Variants in PUF60 observed in about 807,000 individuals in gnomAD.
PUF60 encodes poly(U) binding splicing factor 60, also known as poly(U)-binding-splicing factor PUF60.
PUF60 carries 10 observed loss-of-function variants against 61.8 expected under a neutral mutation model. The observed-to-expected ratio is 0.16, with a 90% CI of 0.10 to 0.27. PUF60 has a LOEUF of 0.27. Among genes scored for constraint, PUF60 ranks in the 10% least tolerant of loss-of-function variants. PUF60 has a pLI of 1.00. For synonymous variants in PUF60, 353 were observed against 300.9 expected, an observed-to-expected ratio of 1.17 and a Z score of -1.79; for missense variants, 371 against 754.0, an observed-to-expected ratio of 0.49 and a Z score of 5.95.
At position 143,816,358 on chromosome 8, in the gene PUF60, G is replaced by A. The variant is rs2130193330; in HGVS notation, c.*162C>T. On this transcript the variant is annotated 3_prime_UTR_variant, in exon 12 of 12. Coordinates refer to ENST00000526683, the MANE Select transcript of PUF60 (RefSeq NM_078480.3). ...CACGCCCAGGATCGGTGACAGGACC[G>A]ACGGCAGACACACGGACGTTCAGGG... The A allele has an allele frequency of 1.3e-6, 1 of 784,522 alleles. No individual in the cohort carries two copies. The highest frequency in any genetic ancestry group is 2.7e-5 in the East Asian group (1 of 37,166). The allele number at this position is 784,522 out of a possible 1,614,324, so 48.6% of individuals were successfully genotyped here.
rs376630348 is a variant in PUF60 at position 143,817,207 on chromosome 8, C to T, written c.1145-62G>A. The stretch of plus-strand genomic sequence containing the variant: ...TACCACCCCCCTTCCCAGAAAGGCA[C>T]AGAGCTGGCCTGCCCTGGGCTCAGA... On this transcript the variant is annotated intron_variant, in intron 10 of 11. Transcript: ENST00000526683. The surrounding 1 kb of genome is among the most constrained non-coding windows in gnomAD (Gnocchi z 7.4). 2.4e-5 allele frequency: 36 copies of T among 1,526,234 alleles called. No individual in the cohort carries two copies. The highest frequency in any genetic ancestry group is 2.9e-5 in the Non-Finnish European group (33 of 1,134,964). 94.5% of individuals were successfully genotyped at this position (1,526,234 alleles called of 1,614,324 possible).
chr8:143,816,864 C>G, intron 11 of PUF60, 45 bp from the exon 12 acceptor site: 1 of 1,589,380 alleles, frequency 6.3e-7, no homozygotes, highest in Non-Finnish European at 8.6e-7. Flanking sequence ...ACTGCGGCCC[C>G]GCCCCCCTAC....
chr8:143,821,048 G>A (rs1258329831), intron 4 of PUF60, among the ~76,000 whole-genome samples: 3 of 152,186 alleles, frequency 2.0e-5, no homozygotes, highest in Admixed American at 2.0e-4. Flanking sequence ...CGTGAGGCTC[G>A]AGGCCCAGGA....
At chr8:143,826,643 C>T (rs1563844092) in intron 1 of PUF60, among the ~76,000 whole-genome samples, 1 of 152,138 alleles carries the variant, frequency 6.6e-6, no homozygotes, top group Non-Finnish European at 1.5e-5. Flanking sequence ...TGCCTGAACC[C>T]AGGAGGCAGA....
chr8:143,829,052 C>G lies in PUF60; in HGVS notation c.24+228G>C. 3 of 1,018,798 alleles carry G rather than the reference C, an allele frequency of 2.9e-6. No homozygotes were observed. In the South Asian group the frequency reaches 1.4e-4, roughly 46 times the overall value. 63.1% of individuals were successfully genotyped at this position (1,018,798 alleles called of 1,614,324 possible). On this transcript the variant is annotated intron_variant, in intron 1 of 11. Coordinates refer to ENST00000526683, the MANE Select transcript of PUF60 (RefSeq NM_078480.3). ...CCACACGCCGCGCCCAGGCCCCCGC[C>G]CCGCCCCGCCGGAAGCTGGGGTCCG... is the stretch of plus-strand genomic sequence containing the variant.
At chr8:143,829,228 AC>A (rs1818021832) in intron 1 of PUF60, 51 bp downstream of exon 1, 2 of 1,238,666 alleles carry the variant, frequency 1.6e-6, no homozygotes, top group African/African-American at 1.6e-5. Flanking sequence ...TGGGTCGACG[AC>A]CCGGCCCCGC....
intron 5 of PUF60, chr8:143,820,402 C>T (rs915793743): frequency 1.3e-5 from 7 of 550,366 alleles, no homozygotes; most frequent in Admixed American, 6.4e-5. Context: ...GGCAGCTACC[C>T]GCCCTGGCCG....
chr8:143,818,335 C>T lies in PUF60; in HGVS notation c.510+38G>A, dbSNP rs377162053. On this transcript the variant is annotated intron_variant, in intron 6 of 11. Transcript: ENST00000526683. The surrounding 1 kb of genome is among the most constrained non-coding windows in gnomAD (Gnocchi z 7.9). ...GGCTGCGCGAGCCCAGGGGTGGGGG[C>T]GAGCCCGAAGTGGCCGGGGCGGACC... The T allele has an allele frequency of 6.1e-5, 98 of 1,608,536 alleles. No individual in the cohort carries two copies. In the South Asian group the frequency reaches 7.7e-4, roughly 13 times the overall value.
At chr8:143,820,815 G>T in intron 4 of PUF60, 99 bp from the exon 5 acceptor site, 2 of 1,205,656 alleles carry the variant, frequency 1.7e-6, no homozygotes, top group Non-Finnish European at 1.2e-6. Flanking sequence ...CGGAGTCCCC[G>T]CCCTGCCAGG....
Position 143,817,486 on chromosome 8 carries a change from C to T in PUF60, c.1009-20G>A, listed in dbSNP as rs374716646. 1.7e-4 allele frequency: 273 copies of T among 1,609,706 alleles called. No individual in the cohort carries two copies. Among genetic ancestry groups the T allele is most frequent in the African/African-American group, 1.7e-3 (125 of 74,976 alleles). On this transcript the variant is annotated intron_variant, in intron 9 of 11. Transcript: ENST00000526683. This position sits in a 1 kb window ranked among gnomAD's most constrained non-coding sequence, Gnocchi z 7.4. ...TGCTTCCTGCAACCCAAAAGGTCAC[C>T]GTGCTCAGTCCCTGGTCTGGCTACT...
intron 1 of PUF60, 78 bp from the exon 2 acceptor site, chr8:143,824,477 G>A (rs1436419503): frequency 1.4e-6 from 2 of 1,462,578 alleles, no homozygotes; most frequent in East Asian, 2.3e-5. Context: ...CGAGCTAAGG[G>A]CTGAGCTCCT....
In PUF60 at chr8:143,824,370, G is replaced by A. The variant is rs373126968; in HGVS notation, c.54C>T (p.Ser18=). Residue 18 remains serine, a synonymous_variant, in exon 2 of 12, where the codon TCC becomes TCT. Coordinates refer to ENST00000526683, the MANE Select transcript of PUF60 (RefSeq NM_078480.3). ...CCACTGCCGCCGCCGCCGCCGGCTC[G>A]GACCCCCCTCCTTGCTGGCCATTGA... is the stretch of plus-strand genomic sequence containing the variant. ...LQVNGQQGGG[S]EPAAAAAVVA... 1.9e-5 allele frequency: 30 copies of A among 1,612,122 alleles called. No individual in the cohort carries two copies. The highest frequency in any genetic ancestry group is 6.7e-5 in the East Asian group (3 of 44,886).
intron 1 of PUF60, among the ~76,000 whole-genome samples, chr8:143,826,291 A>G (rs1476171440): frequency 3.9e-5 from 6 of 152,234 alleles, no homozygotes; most frequent in Admixed American, 1.3e-4. Context: ...GAAAACAAGA[A>G]AAGCAATGTA....
chr8:143,824,740 G>A (rs1817454409), intron 1 of PUF60: 1 of 364,696 alleles, frequency 2.7e-6, no homozygotes, highest in African/African-American at 2.1e-5. Context: ...GAACCGGCTG[G>A]GTGTCCCCCA....
chr8:143,819,415 A>G (rs1045841578), intron 5 of PUF60, among the ~76,000 whole-genome samples: 8 of 151,958 alleles, frequency 5.3e-5, no homozygotes, highest in African/African-American at 1.9e-4. Flanking sequence ...AGCCACACGC[A>G]GTGGGCCACA....
rs1423069339 is a variant in PUF60, at chr8:143,817,268, G to C, written c.1144+63C>G. On this transcript the variant is annotated intron_variant, in intron 10 of 11. Coordinates refer to ENST00000526683, the MANE Select transcript of PUF60 (RefSeq NM_078480.3). The surrounding 1 kb of genome is among the most constrained non-coding windows in gnomAD (Gnocchi z 7.4). ...CAGACCACCAGGGCCAGGCAGCTGAGGGCAGCGAGCCGAGAGATGCCAGGA... is the reference window on the plus strand; with the variant it reads ...CAGACCACCAGGGCCAGGCAGCTGACGGCAGCGAGCCGAGAGATGCCAGGA... 1.4e-5 allele frequency: 22 copies of C among 1,546,172 alleles called. No homozygotes were observed. In the East Asian group the frequency reaches 3.4e-4, roughly 24 times the overall value.
In PUF60 at chr8:143,827,294, G is replaced by A; in HGVS notation, c.24+1986C>T. ...CAGAAGAAAGGAACTGGAACCCCAA[G>A]GGTGATGACCCCAAATGAGAGCTGG... On this transcript the variant is annotated intron_variant, in intron 1 of 11. Coordinates refer to ENST00000526683, the MANE Select transcript of PUF60 (RefSeq NM_078480.3). 6.7e-6 allele frequency: 3 copies of A among 448,308 alleles called. No homozygotes were observed. The Admixed American group carries it at 7.2e-5, about 11-fold the overall frequency. The allele number at this position is 448,308 out of a possible 1,614,324, so 27.8% of individuals were successfully genotyped here. A position where few individuals can be genotyped will look rare whatever the true frequency, so the allele number is the denominator to read the frequency against.
Position 143,818,583 on chromosome 8 carries a change from G to A in PUF60, c.349-49C>T, listed in dbSNP as rs1203501459. 2 of 1,511,316 alleles carry A rather than the reference G, an allele frequency of 1.3e-6. No homozygotes were observed. Among genetic ancestry groups the A allele is most frequent in the Non-Finnish European group, 1.8e-6 (2 of 1,126,806 alleles). 93.6% of individuals were successfully genotyped at this position (1,511,316 alleles called of 1,614,324 possible). Reference sequence around the variant, plus strand: ...AACCGCTGGCTCGTCAGGGGCGGCAGGAAGCTGGGCAGCCCACTCCCCTCC... The same window carrying A: ...AACCGCTGGCTCGTCAGGGGCGGCAAGAAGCTGGGCAGCCCACTCCCCTCC... On this transcript the variant is annotated intron_variant, in intron 5 of 11. Transcript: ENST00000526683. This position sits in a 1 kb window ranked among gnomAD's most constrained non-coding sequence, Gnocchi z 7.9.
rs545809133 is a variant in PUF60, at chr8:143,818,138, G to T, written c.603+55C>A. 1 of 1,600,812 alleles carries T rather than the reference G, an allele frequency of 6.2e-7. No individual in the cohort carries two copies. Among genetic ancestry groups the T allele is most frequent in the Admixed American group, 1.7e-5 (1 of 58,408 alleles). On this transcript the variant is annotated intron_variant, in intron 7 of 11. Coordinates refer to ENST00000526683, the MANE Select transcript of PUF60 (RefSeq NM_078480.3). This position sits in a 1 kb window ranked among gnomAD's most constrained non-coding sequence, Gnocchi z 7.9. Reference sequence around the variant, plus strand: ...CCAGGCCCGGCCACAAAAGGCTTCCGTGGAGGGGCAGCCCTGCACGCCTGC... The same window carrying T: ...CCAGGCCCGGCCACAAAAGGCTTCCTTGGAGGGGCAGCCCTGCACGCCTGC...
Sources: gnomAD v4.1 joint callset for allele counts (sites outside exome capture counted in the v4.1 genomes callset) on GRCh38, gnomAD v4.1.1 for gene constraint, Gnocchi (gnomAD v3.1) non-coding constraint, MANE v1.5 for transcripts, NCBI Gene and HGNC (gene_info 2026-07-23, HGNC 2026-07-21) for gene names.